TACC2: variants seen among roughly 807,000 people sequenced by gnomAD.
TACC2 encodes transforming acidic coiled-coil-containing protein 2.
A neutral mutation model predicts 227.3 loss-of-function variants in TACC2; 137 were observed. The observed-to-expected ratio is 0.60, with a 90% CI of 0.52 to 0.69. TACC2 has a LOEUF of 0.69. Among genes scored for constraint, TACC2 ranks in the 30% least tolerant of loss-of-function variants. TACC2 has a pLI of 0.00. For synonymous variants in TACC2, 1,523 were observed against 1,487.5 expected, an observed-to-expected ratio of 1.02 and a Z score of -0.55; for missense variants, 3,470 against 3,694.4, an observed-to-expected ratio of 0.94 and a Z score of 1.57.
At chr10:121,992,558 G>A (rs1254575544) in intron 1 of TACC2, among the ~76,000 whole-genome samples, 1 of 152,208 alleles carries the variant, frequency 6.6e-6, no homozygotes, top group Admixed American at 6.5e-5. Context: ...ATTAAGTCAT[G>A]CTGGGCCTAT....
chr10:122,086,540 C>T lies in TACC2; in HGVS notation c.4040C>T (p.Ala1347Val). The change falls in exon 4 of 23, where the codon GCA becomes GTA. Residue 1347 changes from alanine (A) to valine (V), a missense_variant. Physicochemically the swap from Ala to Val is moderately conservative, Grantham distance 64. Coordinates refer to ENST00000369005, the MANE Select transcript of TACC2 (RefSeq NM_206862.4). ...AAGCAGGCAACAGGGGAAGAGAAAG[C>T]AGCAACAGCTCCAGGTGCAGGTGCC... is the stretch of plus-strand genomic sequence containing the variant. ...KGKQATGEEK[A>V]ATAPGAGAKA... The T allele has an allele frequency of 1.9e-6, 3 of 1,608,692 alleles. No homozygotes were observed. The highest frequency in any genetic ancestry group is 2.5e-6 in the Non-Finnish European group (3 of 1,177,284).
At chr10:122,088,041 C>G (rs745462987) in intron 4 of TACC2, 82 bp downstream of exon 4, 3 of 1,403,262 alleles carry the variant, frequency 2.1e-6, no homozygotes, top group Non-Finnish European at 2.8e-6. Context: ...AAGTCAGTCG[C>G]ATAGGTGAGT....
At chr10:122,109,499 T>C (rs2083336800) in intron 5 of TACC2, among the ~76,000 whole-genome samples, 1 of 152,048 alleles carries the variant, frequency 6.6e-6, no homozygotes, top group Admixed American at 6.6e-5. Flanking sequence ...CAGCCTGGGG[T>C]TCGTGGTTGT....
intron 5 of TACC2, among the ~76,000 whole-genome samples, chr10:122,132,132 C>A (rs56885092): frequency 0.27 from 41,056 of 150,876 alleles, 9,232 homozygotes; most frequent in African/African-American, 0.61. Context: ...TTCTGTACTA[C>A]TCTTGGCATA....
At chr10:122,007,010 C>A (rs934329186) in intron 1 of TACC2, among the ~76,000 whole-genome samples, 1 of 151,824 alleles carries the variant, frequency 6.6e-6, no homozygotes, top group African/African-American at 2.4e-5. Flanking sequence ...TATAGGCATG[C>A]GCCACCATGT....
At chr10:122,131,868 A>C (rs1194530520) in intron 5 of TACC2, among the ~76,000 whole-genome samples, 2 of 151,926 alleles carry the variant, frequency 1.3e-5, no homozygotes, top group Non-Finnish European at 2.9e-5. Context: ...CTAGAAATGC[A>C]AAAATTAGCC....
intron 5 of TACC2, among the ~76,000 whole-genome samples, chr10:122,112,846 C>T (rs1438536260): frequency 6.6e-6 from 1 of 152,096 alleles, no homozygotes; most frequent in Non-Finnish European, 1.5e-5. Context: ...TCTGCGGCCG[C>T]GGGCCCCTCG....
At position 122,077,600 on chromosome 10, in the gene TACC2, A is replaced by G. The variant is rs142598210; in HGVS notation, c.147-5047A>G. On this transcript the variant is annotated intron_variant, in intron 3 of 22. Transcript: ENST00000369005. The stretch of plus-strand genomic sequence containing the variant: ...ACAACTGAGAGCAAAGCGAAGCCAC[A>G]GTGGGGTGACAGGAGCAGACTTTGA... Among the ~76,000 whole-genome samples, 61 of 152,300 alleles carry G rather than the reference A, an allele frequency of 4.0e-4. No homozygotes were observed. The East Asian group carries it at 0.012, about 29-fold the overall frequency.
At chr10:122,175,753 A>G (rs946845104) in intron 7 of TACC2, among the ~76,000 whole-genome samples, 1 of 152,178 alleles carries the variant, frequency 6.6e-6, no homozygotes, top group Non-Finnish European at 1.5e-5. Context: ...TCCAGAGATA[A>G]TATTTTATTG....
intron 5 of TACC2, among the ~76,000 whole-genome samples, chr10:122,124,600 G>A (rs2086472620): frequency 1.3e-5 from 2 of 152,176 alleles, no homozygotes; most frequent in South Asian, 2.1e-4. Context: ...TGATGCTGCC[G>A]AAGTGGCTGG....
At chr10:122,175,836 G>A (rs1187495987) in intron 7 of TACC2, among the ~76,000 whole-genome samples, 1 of 152,204 alleles carries the variant, frequency 6.6e-6, no homozygotes, top group Non-Finnish European at 1.5e-5. Context: ...GGAGGCTGAG[G>A]CAGGTGGATT....
chr10:122,231,541 C>A (rs759216600), intron 16 of TACC2, among the ~76,000 whole-genome samples: 1 of 152,198 alleles, frequency 6.6e-6, no homozygotes, highest in Non-Finnish European at 1.5e-5. Context: ...CTGACACTTC[C>A]CTCTTGCTTC....
At position 122,165,933 on chromosome 10, in the gene TACC2, A is replaced by G. The variant is rs550116792; in HGVS notation, c.5834+22227A>G. 7.2e-5 allele frequency among the ~76,000 whole-genome samples: 11 copies of G among 152,352 alleles called. No individual in the cohort carries two copies. The South Asian group carries it at 1.4e-3, about 20-fold the overall frequency. On this transcript the variant is annotated intron_variant, in intron 7 of 22. Transcript: ENST00000369005. ...GTGCAGATGTGCTCTTTCCCAGTCT[A>G]GAGGTTTTAAAAATATATATTCGGA...
At chr10:122,121,679 A>C (rs1288579090) in intron 5 of TACC2, among the ~76,000 whole-genome samples, 3 of 148,470 alleles carry the variant, frequency 2.0e-5, no homozygotes, top group Non-Finnish European at 4.5e-5. Context: ...GCAAAGCATC[A>C]CATTGTATCA....
Position 122,074,651 on chromosome 10 carries a change from G to A in TACC2, c.147-7996G>A, listed in dbSNP as rs886915805. Among the ~76,000 whole-genome samples, 8 of 152,066 alleles carry A rather than the reference G, an allele frequency of 5.3e-5. No homozygotes were observed. In the South Asian group the frequency reaches 1.7e-3, roughly 31 times the overall value. The stretch of plus-strand genomic sequence containing the variant: ...GGTCAAATACAGGGATTAGAGTGCT[G>A]GAGAGAATTCTGACCATTCACAACC... On this transcript the variant is annotated intron_variant, in intron 3 of 22. Transcript: ENST00000369005.
chr10:122,133,255 C>T (rs986401525), intron 6 of TACC2, among the ~76,000 whole-genome samples: 20 of 152,128 alleles, frequency 1.3e-4, no homozygotes, highest in African/African-American at 4.1e-4. Context: ...ATGTCACCTC[C>T]CACCAGCCTC....
chr10:122,207,578 C>T (rs2095163668), intron 8 of TACC2, among the ~76,000 whole-genome samples: 1 of 152,162 alleles, frequency 6.6e-6, no homozygotes. Flanking sequence ...CACAGGACAG[C>T]CCCCAGCATA....
At chr10:122,037,930 G>A (rs897041899) in intron 2 of TACC2, among the ~76,000 whole-genome samples, 6 of 151,342 alleles carry the variant, frequency 4.0e-5, no homozygotes, top group Non-Finnish European at 8.8e-5. Context: ...TTGTTTGTTT[G>A]TTTGTTTGTT....
At chr10:122,231,204 A>G (rs1339650186) in intron 16 of TACC2, among the ~76,000 whole-genome samples, 1 of 152,148 alleles carries the variant, frequency 6.6e-6, no homozygotes, top group Non-Finnish European at 1.5e-5. Flanking sequence ...TTTTATTAAC[A>G]ATTTGAATGA....
Sources: gnomAD v4.1 joint callset for allele counts (sites outside exome capture counted in the v4.1 genomes callset) on GRCh38, gnomAD v4.1.1 for gene constraint, MANE v1.5 for transcripts, NCBI Gene and HGNC (gene_info 2026-07-23, HGNC 2026-07-21) for gene names.